KLF12: variants seen among roughly 807,000 people sequenced by gnomAD.
KLF12 encodes Krueppel-like factor 12.
Under a neutral mutation model 37.8 loss-of-function variants are expected in KLF12, and 9 were observed. That is an observed-to-expected ratio of 0.24 (90% CI 0.14 to 0.42). KLF12 has a LOEUF of 0.42. Ranked by LOEUF, KLF12 falls within the 10% of genes least tolerant of loss-of-function variation. KLF12 has a pLI of 1.00. For synonymous variants in KLF12, 208 were observed against 202.1 expected, an observed-to-expected ratio of 1.03 and a Z score of -0.25; for missense variants, 411 against 516.0, an observed-to-expected ratio of 0.80 and a Z score of 1.97.
chr13:74,223,505 T>C, the KLF12 span, among the ~76,000 whole-genome samples: 1 of 152,144 alleles, frequency 6.6e-6, no homozygotes, highest in Non-Finnish European at 1.5e-5. Context: ...ACAAGTATGG[T>C]AAAGGATACT....
At chr13:74,101,019 C>T (rs1876311746) in intron 1 of KLF12, among the ~76,000 whole-genome samples, 1 of 152,190 alleles carries the variant, frequency 6.6e-6, no homozygotes, top group Non-Finnish European at 1.5e-5. Context: ...GCCATCACCA[C>T]ACCCACCCAG....
At chr13:73,936,735 G>A (rs138486716) in intron 3 of KLF12, among the ~76,000 whole-genome samples, 4 of 152,220 alleles carry the variant, frequency 2.6e-5, no homozygotes, top group Non-Finnish European at 5.9e-5. Flanking sequence ...CCACTGTAGA[G>A]TTCATCACGT....
the KLF12 span, among the ~76,000 whole-genome samples, chr13:74,199,508 T>G: frequency 6.6e-6 from 1 of 152,188 alleles, no homozygotes; most frequent in Non-Finnish European, 1.5e-5. Context: ...AGTGCACTAT[T>G]AATAAAGGCT....
chr13:74,091,551 C>T (rs1282763918), intron 1 of KLF12, among the ~76,000 whole-genome samples: 2 of 152,254 alleles, frequency 1.3e-5, no homozygotes, highest in South Asian at 2.1e-4. Flanking sequence ...TGTCTCAAGG[C>T]ACCACAGTTT....
chr13:73,893,292 A>G (rs1887600579), intron 3 of KLF12, among the ~76,000 whole-genome samples: 1 of 146,662 alleles, frequency 6.8e-6, no homozygotes, highest in African/African-American at 2.6e-5. Flanking sequence ...AGTTGACTCA[A>G]TTTCTGCCAG....
intron 1 of KLF12, among the ~76,000 whole-genome samples, chr13:74,113,456 C>T (rs999049853): frequency 6.6e-6 from 1 of 152,160 alleles, no homozygotes; most frequent in African/African-American, 2.4e-5. Flanking sequence ...AGCCAATGCT[C>T]ACTCACTATT....
chr13:73,944,842 A>G (rs1206668228), intron 2 of KLF12, among the ~76,000 whole-genome samples: 2 of 152,220 alleles, frequency 1.3e-5, no homozygotes, highest in African/African-American at 4.8e-5. Context: ...TTCTACAGTC[A>G]GCAACCCAGG....
At chr13:73,741,324 T>C (rs562935283) in intron 6 of KLF12, among the ~76,000 whole-genome samples, 1 of 151,872 alleles carries the variant, frequency 6.6e-6, no homozygotes, top group South Asian at 2.1e-4. Flanking sequence ...GCCAGGGTTG[T>C]TCCCTGACCC....
the KLF12 span, among the ~76,000 whole-genome samples, chr13:74,207,539 G>C: frequency 1.6e-4 from 24 of 152,148 alleles, no homozygotes; most frequent in African/African-American, 5.5e-4. Flanking sequence ...AGCTGGGTAT[G>C]ATGGCAGATG....
intron 4 of KLF12, among the ~76,000 whole-genome samples, chr13:73,838,924 G>C (rs894460663): frequency 3.9e-5 from 6 of 152,098 alleles, no homozygotes; most frequent in Non-Finnish European, 7.4e-5. Context: ...GCTGCACCAG[G>C]CTTCTGCAGG....
chr13:74,168,511 T>C, the KLF12 span, among the ~76,000 whole-genome samples: 1 of 152,212 alleles, frequency 6.6e-6, no homozygotes, highest in Non-Finnish European at 1.5e-5. Flanking sequence ...ACTGGTGATA[T>C]TCGACACAGA....
At chr13:73,765,274 A>C (rs1011239608) in intron 5 of KLF12, among the ~76,000 whole-genome samples, 1 of 152,122 alleles carries the variant, frequency 6.6e-6, no homozygotes. Context: ...CATTCAGTCC[A>C]ACAAAAGTGA....
At chr13:73,877,484 T>C (rs1886767785) in intron 3 of KLF12, among the ~76,000 whole-genome samples, 1 of 152,208 alleles carries the variant, frequency 6.6e-6, no homozygotes, top group African/African-American at 2.4e-5. Context: ...TGTCAATATT[T>C]TGAAGGTATT....
chr13:74,170,838 C>T, the KLF12 span, among the ~76,000 whole-genome samples: 1 of 152,190 alleles, frequency 6.6e-6, no homozygotes, highest in Non-Finnish European at 1.5e-5. Flanking sequence ...AATCTCGGCT[C>T]ACTGCTGCCT....
the KLF12 span, among the ~76,000 whole-genome samples, chr13:74,191,506 A>C: frequency 6.6e-6 from 1 of 152,192 alleles, no homozygotes; most frequent in Non-Finnish European, 1.5e-5. Flanking sequence ...CTTGCATCTC[A>C]GTGTTCAATG....
chr13:73,767,005 T>A (rs540254726), intron 5 of KLF12, among the ~76,000 whole-genome samples: 2 of 152,310 alleles, frequency 1.3e-5, no homozygotes, highest in South Asian at 4.1e-4. Context: ...ATTGTGTATA[T>A]GAACAAATAA....
At chr13:73,720,795 G>A (rs1348697431) in intron 6 of KLF12, among the ~76,000 whole-genome samples, 2 of 152,140 alleles carry the variant, frequency 1.3e-5, no homozygotes, top group African/African-American at 4.8e-5. Flanking sequence ...AGGGATAACT[G>A]TAATCAGCCG....
upstream of KLF12, among the ~76,000 whole-genome samples, chr13:74,135,036 C>G (rs967672947): frequency 6.6e-6 from 1 of 151,414 alleles, no homozygotes; most frequent in Non-Finnish European, 1.5e-5. Flanking sequence ...GGCAGCCCCG[C>G]GGGCGGTGCC....
chr13:74,010,701 GT>G (rs1363737919), intron 1 of KLF12, among the ~76,000 whole-genome samples: 13 of 151,930 alleles, frequency 8.6e-5, no homozygotes, highest in African/African-American at 3.1e-4. Flanking sequence ...GAAGCTGCTC[GT>G]GTCTAACAAA....
Sources: allele counts gnomAD v4.1 joint callset (sites outside exome capture counted in the v4.1 genomes callset), GRCh38; gene constraint gnomAD v4.1.1; transcripts MANE v1.5; gene names NCBI Gene and HGNC (gene_info 2026-07-23, HGNC 2026-07-21).